Variants in RALYL observed in about 807,000 individuals in gnomAD.
RALYL encodes RNA-binding Raly-like protein.
In RALYL, 29 loss-of-function variants were observed where a neutral mutation model predicts 35.1. That is an observed-to-expected ratio of 0.83 (90% CI 0.61 to 1.13). The LOEUF (loss-of-function observed/expected upper bound fraction) is 1.13. Ranked by LOEUF, RALYL falls within the 50% of genes most tolerant of loss-of-function variation. The pLI is 0.00. For synonymous variants in RALYL, 120 were observed against 127.6 expected (o/e 0.94, Z 0.40); for missense variants, 359 against 360.4 (o/e 1.00, Z 0.03).
intron 2 of RALYL, among the ~76,000 whole-genome samples, chr8:84,557,141 A>G (rs934503013): frequency 1.3e-5 from 2 of 152,228 alleles, no homozygotes; most frequent in African/African-American, 4.8e-5. Flanking sequence ...CACCCCGTGT[A>G]GCCAGAATAG....
intron 1 of RALYL, among the ~76,000 whole-genome samples, chr8:84,493,586 G>A (rs977428343): frequency 6.6e-6 from 1 of 151,962 alleles, no homozygotes. Context: ...GTTGTTTCTT[G>A]ACTTTTTAAT....
rs899725598 is a variant in RALYL, at chr8:84,275,956, T to TA, written c.-24+91540dup. 3.1e-3 allele frequency among the ~76,000 whole-genome samples: 477 copies of TA among 152,100 alleles called. 5 individuals carry two copies. The highest frequency in any genetic ancestry group is 0.011 in the African/African-American group (457 of 41,528). On this transcript the variant is annotated intron_variant, in intron 1 of 8. Coordinates refer to ENST00000521268, the MANE Select transcript of RALYL (RefSeq NM_173848.7). ...AAATTTACTTTGGCAAACTAATTTTTAAAAAAAATATATCATTCATCTAAC... is the reference window on the plus strand; with the variant it reads ...AAATTTACTTTGGCAAACTAATTTTTAAAAAAAAATATATCATTCATCTAAC...
At chr8:84,607,137 G>A (rs773914539) in intron 2 of RALYL, among the ~76,000 whole-genome samples, 11 of 151,634 alleles carry the variant, frequency 7.3e-5, no homozygotes, top group Non-Finnish European at 1.5e-4. Context: ...TTCTTTTCCT[G>A]TGTCTTTTCC....
At chr8:84,610,789 G>C (rs1818134378) in intron 2 of RALYL, among the ~76,000 whole-genome samples, 1 of 152,030 alleles carries the variant, frequency 6.6e-6, no homozygotes, top group African/African-American at 2.4e-5. Flanking sequence ...TACTTATTTT[G>C]TTACTCAAAT....
At chr8:84,730,211 G>A (rs1299942317) in intron 2 of RALYL, among the ~76,000 whole-genome samples, 2 of 151,982 alleles carry the variant, frequency 1.3e-5, no homozygotes, top group Non-Finnish European at 2.9e-5. Flanking sequence ...TCATCCCTGG[G>A]ATGCAAGGCT....
chr8:84,501,069 G>A (rs1260212536), intron 1 of RALYL, among the ~76,000 whole-genome samples: 1 of 152,038 alleles, frequency 6.6e-6, no homozygotes, highest in Non-Finnish European at 1.5e-5. Context: ...CATCTATGGC[G>A]CCATTTACAT....
chr8:84,515,930 G>A (rs997645854), intron 1 of RALYL, among the ~76,000 whole-genome samples: 2 of 149,312 alleles, frequency 1.3e-5, no homozygotes, highest in African/African-American at 2.5e-5. Context: ...GGATTTACCA[G>A]TGAATGCTGT....
chr8:84,230,086 C>T (rs1330897676), intron 1 of RALYL, among the ~76,000 whole-genome samples: 3 of 152,010 alleles, frequency 2.0e-5, no homozygotes, highest in Non-Finnish European at 4.4e-5. Context: ...ATAAACAAAG[C>T]TTAATCTAAT....
intron 2 of RALYL, among the ~76,000 whole-genome samples, chr8:84,601,270 A>G (rs2130743918): frequency 6.6e-6 from 1 of 152,250 alleles, no homozygotes; most frequent in Non-Finnish European, 1.5e-5. Flanking sequence ...CAGACAAGTT[A>G]TGGCCCCAGA....
chr8:84,272,259 AT>A (rs1191442459), intron 1 of RALYL, among the ~76,000 whole-genome samples: 1 of 151,702 alleles, frequency 6.6e-6, no homozygotes. Context: ...TGCCCAGCTA[AT>A]TTTTTGTATT....
chr8:84,336,888 T>C (rs1847903700), intron 1 of RALYL, among the ~76,000 whole-genome samples: 1 of 151,858 alleles, frequency 6.6e-6, no homozygotes, highest in South Asian at 2.1e-4. Flanking sequence ...TAGTTGAGCC[T>C]AGGAGAGCAG....
intron 1 of RALYL, among the ~76,000 whole-genome samples, chr8:84,217,304 C>T (rs1821063692): frequency 6.6e-6 from 1 of 151,656 alleles, no homozygotes. Flanking sequence ...TTTTATTAGT[C>T]AAAAAGAATG....
chr8:84,755,440 A>T (rs1811151707), intron 2 of RALYL, among the ~76,000 whole-genome samples: 1 of 152,174 alleles, frequency 6.6e-6, no homozygotes, highest in Admixed American at 6.5e-5. Context: ...CCTTTTGTTC[A>T]TATTTGCTGT....
intron 7 of RALYL, among the ~76,000 whole-genome samples, chr8:84,883,221 G>T (rs1425508074): frequency 6.6e-6 from 1 of 151,896 alleles, no homozygotes; most frequent in Non-Finnish European, 1.5e-5. Flanking sequence ...ATAATATATA[G>T]GATTTTTTGC....
At chr8:84,849,453 A>G (rs1208687764) in intron 4 of RALYL, among the ~76,000 whole-genome samples, 1 of 152,226 alleles carries the variant, frequency 6.6e-6, no homozygotes, top group African/African-American at 2.4e-5. Context: ...CCTTAGGAAG[A>G]AGGGATAATT....
At chr8:84,271,605 TG>T (rs1309399699) in intron 1 of RALYL, among the ~76,000 whole-genome samples, 5 of 151,862 alleles carry the variant, frequency 3.3e-5, no homozygotes, top group Non-Finnish European at 7.4e-5. Flanking sequence ...ACCATCATCT[TG>T]TGAATGGGTG....
chr8:84,740,931 A>G (rs1299915800), intron 2 of RALYL, among the ~76,000 whole-genome samples: 1 of 152,024 alleles, frequency 6.6e-6, no homozygotes, highest in Non-Finnish European at 1.5e-5. Flanking sequence ...TTGAGTTACT[A>G]TTATAATTAC....
At chr8:84,301,869 A>G (rs762315050) in intron 1 of RALYL, among the ~76,000 whole-genome samples, 4 of 152,122 alleles carry the variant, frequency 2.6e-5, no homozygotes, top group Admixed American at 6.5e-5. Flanking sequence ...TTCTCCTTAT[A>G]TAACTTATAT....
intron 1 of RALYL, among the ~76,000 whole-genome samples, chr8:84,301,416 T>C (rs928003817): frequency 6.6e-6 from 1 of 152,140 alleles, no homozygotes; most frequent in Non-Finnish European, 1.5e-5. Flanking sequence ...TTCCTGAGTT[T>C]GAATGTTGGC....
Sources: allele counts gnomAD v4.1 joint callset (sites outside exome capture counted in the v4.1 genomes callset), GRCh38; gene constraint gnomAD v4.1.1; transcripts MANE v1.5; gene names NCBI Gene and HGNC (gene_info 2026-07-23, HGNC 2026-07-21).